Variants in RAD18 observed in about 807,000 individuals in gnomAD.
RAD18 encodes the protein RAD18 E3 ubiquitin protein ligase.
In RAD18, 47 loss-of-function variants were observed where a neutral mutation model predicts 60.4. That is an observed-to-expected ratio of 0.78 (90% CI 0.62 to 0.99). RAD18 has a LOEUF of 0.99. RAD18 is among the 50% of genes least tolerant of loss of function. The pLI is 0.00. For missense variants in RAD18, 640 were observed against 593.3 expected, an observed-to-expected ratio of 1.08 and a Z score of -0.82; for synonymous variants, 225 against 195.5, an observed-to-expected ratio of 1.15 and a Z score of -1.26.
chr3:8,963,381 T>A lies in RAD18; in HGVS notation c.5A>T (p.Asp2Val). Residue 2 changes from aspartate to valine, a missense_variant, in exon 1 of 13, where the codon GAC becomes GTC. Asp to Val is a radical substitution (Grantham distance 152, BLOSUM62 -3). Coordinates refer to ENST00000264926, the MANE Select transcript of RAD18 (RefSeq NM_020165.4). Reference sequence around the variant, plus strand: ...AGGCCACCGAGACTCGGCCAGGGAGTCCATGGTCGCTCCCGAGGATGCTGG... The same window carrying A: ...AGGCCACCGAGACTCGGCCAGGGAGACCATGGTCGCTCCCGAGGATGCTGG... M[D>V]SLAESRWPPG... 1 of 1,594,874 alleles carries A rather than the reference T, an allele frequency of 6.3e-7. No individual in the cohort carries two copies. Among genetic ancestry groups the A allele is most frequent in the Non-Finnish European group, 8.5e-7 (1 of 1,171,602 alleles).
At position 8,948,531 on chromosome 3, in the gene RAD18, G is replaced by A. The variant is rs1940873714; in HGVS notation, c.173C>T (p.Thr58Ile). Residue 58 changes from threonine (T) to isoleucine (I), a missense_variant, in exon 3 of 13, where the codon ACT becomes ATT. Coordinates refer to ENST00000264926, the MANE Select transcript of RAD18 (RefSeq NM_020165.4). ...CACCACACAGCAAGTTGGACACTGAGTTTTATAGGACAGAAATTTTCTTAT... is the reference window on the plus strand; with the variant it reads ...CACCACACAGCAAGTTGGACACTGAATTTTATAGGACAGAAATTTTCTTAT... ...LCIRKFLSYKTQCPTCCVTVT... is the reference protein window; with the variant it reads ...LCIRKFLSYKIQCPTCCVTVT... 2 of 1,612,844 alleles carry A rather than the reference G, an allele frequency of 1.2e-6. No individual in the cohort carries two copies. The highest frequency in any genetic ancestry group is 3.3e-5 in the Admixed American group (2 of 59,902).
chr3:8,956,750 TA>T (rs59945420), intron 2 of RAD18, among the ~76,000 whole-genome samples: 124 of 137,648 alleles, frequency 9.0e-4, no homozygotes, highest in Non-Finnish European at 1.4e-3. Flanking sequence ...ATTCATGATT[TA>T]AAAAAAAAAA....
At chr3:8,940,626 A>T (rs1369303108) in intron 5 of RAD18, among the ~76,000 whole-genome samples, 2 of 152,244 alleles carry the variant, frequency 1.3e-5, no homozygotes, top group African/African-American at 2.4e-5. Flanking sequence ...AGATACAGAA[A>T]CAAAAAGTTA....
chr3:8,933,968 A>G (rs1940607109), intron 7 of RAD18, among the ~76,000 whole-genome samples: 1 of 152,236 alleles, frequency 6.6e-6, no homozygotes, highest in African/African-American at 2.4e-5. Context: ...CCAATGGAAC[A>G]AAACAATGTC....
At chr3:8,906,188 C>A (rs191430513) in intron 9 of RAD18, among the ~76,000 whole-genome samples, 1 of 152,066 alleles carries the variant, frequency 6.6e-6, no homozygotes, top group Admixed American at 6.5e-5. Flanking sequence ...TTTTGTGAAG[C>A]TTTTGTTTCA....
chr3:8,902,719 T>C (rs529916238), intron 9 of RAD18, among the ~76,000 whole-genome samples, 199 bp from the exon 10 acceptor site: 2 of 152,164 alleles, frequency 1.3e-5, no homozygotes, highest in Non-Finnish European at 2.9e-5. Context: ...TGAAACCCCA[T>C]CTCTACTAAA....
intron 7 of RAD18, among the ~76,000 whole-genome samples, chr3:8,920,278 C>CAAAAAAAAAAAAAAAAAAAAA (rs60504682): frequency 4.3e-5 from 3 of 70,036 alleles, no homozygotes; most frequent in Non-Finnish European, 6.5e-5. Context: ...GACTCCGTCT[C>CAAAAAAAAAAAAAAAAAAAAA]AAAAAAAAAA....
chr3:8,936,351 C>T (rs1438200653), intron 6 of RAD18, among the ~76,000 whole-genome samples: 2 of 152,142 alleles, frequency 1.3e-5, no homozygotes, highest in Non-Finnish European at 2.9e-5. Context: ...ATATATGTAA[C>T]GCTTGTGGAA....
chr3:8,923,116 G>A (rs905554155), intron 7 of RAD18, among the ~76,000 whole-genome samples: 22 of 152,104 alleles, frequency 1.4e-4, no homozygotes, highest in Non-Finnish European at 2.6e-4. Flanking sequence ...AAACTTCCCC[G>A]AGCTAAAGGA....
chr3:8,924,436 G>A (rs1287536994), intron 7 of RAD18, among the ~76,000 whole-genome samples: 1 of 143,634 alleles, frequency 7.0e-6, no homozygotes, highest in Admixed American at 7.1e-5. Context: ...CCTACAAAGA[G>A]ACTTAGACTC....
intron 2 of RAD18, among the ~76,000 whole-genome samples, chr3:8,954,607 A>T (rs1940979389): frequency 6.6e-6 from 1 of 152,218 alleles, no homozygotes; most frequent in Admixed American, 6.5e-5. Context: ...CATTCTGCCA[A>T]GGCACCCCAC....
At chr3:8,953,176 T>C (rs1393926262) in intron 2 of RAD18, among the ~76,000 whole-genome samples, 2 of 150,608 alleles carry the variant, frequency 1.3e-5, no homozygotes, top group African/African-American at 4.9e-5. Context: ...ATATGTACTA[T>C]GTATAGTTAT....
chr3:8,899,381 C>T (rs1939859594), intron 10 of RAD18, among the ~76,000 whole-genome samples: 2 of 152,112 alleles, frequency 1.3e-5, no homozygotes, highest in African/African-American at 4.8e-5. Flanking sequence ...AGAACACTGA[C>T]AAACCAACAT....
At position 8,881,421 on chromosome 3, in the gene RAD18, T is replaced by C. The variant is rs1209728999; in HGVS notation, c.1424A>G (p.Asn475Ser). 3 of 1,612,996 alleles carry C rather than the reference T, an allele frequency of 1.9e-6. No homozygotes were observed. The highest frequency in any genetic ancestry group is 2.5e-6 in the Non-Finnish European group (3 of 1,178,934). Residue 475 changes from asparagine to serine, a missense_variant, in exon 13 of 13, where the codon AAT (asparagine) becomes AGT (serine). Transcript: ENST00000264926. ...LQDTEISPRQ[N>S]RRTRAAESAE... ...ACTTTCAGCGGCTCTTGTGCGGCGA[T>C]TCTGTCTTGGACTTATTTCTGTGTC...
chr3:8,916,149 C>CA (rs1309037971), intron 7 of RAD18, among the ~76,000 whole-genome samples: 1 of 152,098 alleles, frequency 6.6e-6, no homozygotes, highest in East Asian at 1.9e-4. Flanking sequence ...CAAAAACAAA[C>CA]AAAAAACCCC....
At chr3:8,927,556 C>T (rs1208154676) in intron 7 of RAD18, among the ~76,000 whole-genome samples, 1 of 152,212 alleles carries the variant, frequency 6.6e-6, no homozygotes, top group Non-Finnish European at 1.5e-5. Flanking sequence ...CATCCCATTA[C>T]TGGGTATATA....
At chr3:8,916,198 C>A (rs999639806) in intron 7 of RAD18, among the ~76,000 whole-genome samples, 5 of 152,200 alleles carry the variant, frequency 3.3e-5, no homozygotes, top group African/African-American at 1.2e-4. Flanking sequence ...ATTCTGGGCC[C>A]TGACCCATAG....
intron 2 of RAD18, among the ~76,000 whole-genome samples, chr3:8,950,030 GT>G: frequency 6.6e-6 from 1 of 151,728 alleles, no homozygotes; most frequent in Non-Finnish European, 1.5e-5. Context: ...TTTTTGTTTT[GT>G]TTTGTTTTTT....
At chr3:8,901,692 G>A (rs45529736) in intron 10 of RAD18, among the ~76,000 whole-genome samples, 2,963 of 152,230 alleles carry the variant, frequency 0.019, 83 homozygotes, top group African/African-American at 0.066. Context: ...AGTTTGTGCT[G>A]GGAATGATGA....
Sources: gnomAD v4.1 joint callset for allele counts (sites outside exome capture counted in the v4.1 genomes callset) on GRCh38, gnomAD v4.1.1 for gene constraint, MANE v1.5 for transcripts, NCBI Gene and HGNC (gene_info 2026-07-23, HGNC 2026-07-21) for gene names.